Variants in FAM151B observed in about 807,000 individuals in gnomAD.
FAM151B encodes family with sequence similarity 151 member B, also known as protein FAM151B.
FAM151B carries 24 observed loss-of-function variants against 31.2 expected under a neutral mutation model. The ratio of observed to expected loss-of-function variants is 0.77; its 90% confidence interval spans 0.56 to 1.08. FAM151B has a LOEUF of 1.08. Ranked by LOEUF, FAM151B falls within the 50% of genes least tolerant of loss-of-function variation. The pLI, the probability that FAM151B is intolerant of heterozygous loss-of-function variation, is 0.00. For missense variants in FAM151B, 293 were observed against 328.6 expected (o/e 0.89, Z 0.84); for synonymous variants, 105 against 111.4 (o/e 0.94, Z 0.36).
intron 5 of FAM151B, among the ~76,000 whole-genome samples, chr5:80,524,903 T>G (rs542662178): frequency 6.6e-6 from 1 of 152,298 alleles, no homozygotes; most frequent in South Asian, 2.1e-4. Context: ...TCCACAGATC[T>G]TTAGCATTTA....
At chr5:80,500,333 A>T in intron 1 of FAM151B, 1 of 873,178 alleles carries the variant, frequency 1.1e-6, no homozygotes, top group South Asian at 1.3e-5. Flanking sequence ...GGCTGGAACC[A>T]TGGAGGGTGT....
chr5:80,527,572 A>G (rs1745027123), intron 5 of FAM151B, among the ~76,000 whole-genome samples: 1 of 152,214 alleles, frequency 6.6e-6, no homozygotes. Context: ...GTATTATCAT[A>G]CTGAATAATG....
rs1412843450 is a variant in FAM151B, at chr5:80,541,666, A to C, written c.672-7A>C. ...TAACTGTATAATTCTGTTTTATTTCAATGCAGGTACAGCCTGACTATTTGG... is the reference window on the plus strand; with the variant it reads ...TAACTGTATAATTCTGTTTTATTTCCATGCAGGTACAGCCTGACTATTTGG... On this transcript the variant is annotated splice_polypyrimidine_tract_variant and splice_region_variant and intron_variant, in intron 5 of 5. Coordinates refer to ENST00000282226, the MANE Select transcript of FAM151B (RefSeq NM_205548.3). 6.2e-7 allele frequency: 1 copy of C among 1,612,292 alleles called. No individual in the cohort carries two copies. Among genetic ancestry groups the C allele is most frequent in the East Asian group, 2.2e-5 (1 of 44,738 alleles).
chr5:80,522,100 T>G lies in FAM151B; in HGVS notation c.633T>G (p.Ser211=). Residue 211 remains serine (S), a synonymous_variant, in exon 5 of 6, where the codon TCT becomes TCG. Coordinates refer to ENST00000282226, the MANE Select transcript of FAM151B (RefSeq NM_205548.3). ...TCAGAGCAGCATTAGTCAGGCAGTC[T>G]TGTTCTCAGTTACTTTGGCTGTTAA... is the stretch of plus-strand genomic sequence containing the variant. The part of the protein sequence containing the change: ...FPVRAALVRQ[S]CSQLLWLLKK... 1 of 1,613,130 alleles carries G rather than the reference T, an allele frequency of 6.2e-7. No homozygotes were observed.
At chr5:80,528,857 G>T (rs954207924) in intron 5 of FAM151B, among the ~76,000 whole-genome samples, 3 of 152,080 alleles carry the variant, frequency 2.0e-5, no homozygotes, top group African/African-American at 4.8e-5. Context: ...GGATATCCAG[G>T]AATTGAACTC....
intron 1 of FAM151B, among the ~76,000 whole-genome samples, chr5:80,495,538 T>C (rs906890101): frequency 2.0e-5 from 3 of 152,008 alleles, no homozygotes; most frequent in Admixed American, 6.5e-5. Flanking sequence ...GTGATAGAAA[T>C]AGCAAAAGAG....
At position 80,488,127 on chromosome 5, in the gene FAM151B, G is replaced by A. The variant is rs1400729246; in HGVS notation, c.4G>A (p.Ala2Thr). M[A>T]ASAGGPGSWS... ...GCGGACGGCGGGCGTCGTCACCATG[G>A]CAGCATCCGCTGGAGGCCCAGGTAA... is the stretch of plus-strand genomic sequence containing the variant. The change falls in exon 1 of 6, where the codon GCA (alanine) becomes ACA (threonine). Residue 2 changes from alanine to threonine, a missense_variant. Ala to Thr is a moderately conservative substitution (Grantham distance 58). Coordinates refer to ENST00000282226, the MANE Select transcript of FAM151B (RefSeq NM_205548.3). 1 of 1,542,864 alleles carries A rather than the reference G, an allele frequency of 6.5e-7. No homozygotes were observed. Among genetic ancestry groups the A allele is most frequent in the Non-Finnish European group, 8.7e-7 (1 of 1,147,436 alleles).
chr5:80,503,238 A>G (rs1029212126), intron 2 of FAM151B, among the ~76,000 whole-genome samples: 9 of 152,242 alleles, frequency 5.9e-5, no homozygotes, highest in African/African-American at 1.9e-4. Flanking sequence ...AAAAGATTCT[A>G]TAGATAAATG....
Position 80,541,770 on chromosome 5 carries a change from G to C in FAM151B, c.769G>C (p.Asp257His). ...DHFDKKQVFY[D>H]ILEPQNHEFK... is the part of the protein sequence containing the mutation. ...TTTTGACAAAAAACAAGTTTTCTAT[G>C]ACATCTTGGAACCACAAAACCATGA... Residue 257 changes from aspartate to histidine, a missense_variant, in exon 6 of 6, where the codon GAC becomes CAC. Coordinates refer to ENST00000282226, the MANE Select transcript of FAM151B (RefSeq NM_205548.3). The C allele has an allele frequency of 1.2e-6, 2 of 1,613,606 alleles. No individual in the cohort carries two copies. Among genetic ancestry groups the C allele is most frequent in the Non-Finnish European group, 1.7e-6 (2 of 1,179,778 alleles).
intron 1 of FAM151B, among the ~76,000 whole-genome samples, chr5:80,499,721 A>G (rs994271000): frequency 6.6e-6 from 1 of 151,616 alleles, no homozygotes; most frequent in South Asian, 2.1e-4. Flanking sequence ...TACATTATAT[A>G]ATATATAACA....
chr5:80,538,374 TTCTTTC>T (rs1427446883), intron 5 of FAM151B, among the ~76,000 whole-genome samples: 1 of 30,138 alleles, frequency 3.3e-5, no homozygotes, highest in African/African-American at 1.6e-4. Context: ...GCCTTTCTTT[TTCTTTC>T]TTTCTTTCTT....
chr5:80,534,548 A>C (rs1745404693), intron 5 of FAM151B, among the ~76,000 whole-genome samples: 1 of 152,218 alleles, frequency 6.6e-6, no homozygotes, highest in South Asian at 2.1e-4. Flanking sequence ...ATTGGGTAAA[A>C]TTCAACATCC....
At chr5:80,530,575 G>A (rs1745191912) in intron 5 of FAM151B, among the ~76,000 whole-genome samples, 4 of 152,162 alleles carry the variant, frequency 2.6e-5, no homozygotes, top group Non-Finnish European at 2.9e-5. Flanking sequence ...AATCACAAGC[G>A]TTCCTATACA....
chr5:80,522,240 G>A, intron 5 of FAM151B, 102 bp downstream of exon 5: 1 of 1,264,910 alleles, frequency 7.9e-7, no homozygotes, highest in South Asian at 1.7e-5. Flanking sequence ...GTGAGAGAAA[G>A]GTAGACAGAA....
chr5:80,511,996 T>C (rs1181102104), intron 2 of FAM151B, among the ~76,000 whole-genome samples: 1 of 152,250 alleles, frequency 6.6e-6, no homozygotes, highest in African/African-American at 2.4e-5. Flanking sequence ...ATTGGAGGTA[T>C]AGATTGTATA....
intron 1 of FAM151B, among the ~76,000 whole-genome samples, chr5:80,490,007 AT>A (rs576657848): frequency 1.0e-5 from 1 of 97,870 alleles, no homozygotes; most frequent in Non-Finnish European, 2.2e-5. Context: ...GTTATATGTC[AT>A]TTTTCCCCCT....
chr5:80,510,618 C>T (rs1233181527), intron 2 of FAM151B: 3 of 152,052 alleles, frequency 2.0e-5, no homozygotes, highest in Non-Finnish European at 2.9e-5. Context: ...TAATTGAATC[C>T]CCAAACTATA....
chr5:80,494,465 TTTCTTTCTTTCTTTCTTTCTTTCTTTC>T lies in FAM151B; in HGVS notation c.25+6320_25+6346del, dbSNP rs1743443458. ...TCTTTTTCTTTCTTTCTTTTCTTTCTTTCTTTCTTTCTTTCTTTCTTTCTTTCTTTCTTTCTTTCTTTCTTTCTTTCT... is the reference window on the plus strand; with the variant it reads ...TCTTTTTCTTTCTTTCTTTTCTTTCTTTTCTTTCTTTCTTTCTTTCTTTCT... On this transcript the variant is annotated intron_variant, in intron 1 of 5. Coordinates refer to ENST00000282226, the MANE Select transcript of FAM151B (RefSeq NM_205548.3). Among the ~76,000 whole-genome samples the T allele has an allele frequency of 3.4e-4, 26 of 76,742 alleles. 1 individual carries two copies. Among genetic ancestry groups the T allele is most frequent in the Admixed American group, 1.8e-3 (14 of 7,998 alleles). The allele number at this position is 76,742 out of a possible 152,430, so 50.3% of individuals were successfully genotyped here.
chr5:80,522,003 G>T lies in FAM151B; in HGVS notation c.536G>T (p.Gly179Val). ...TGWHPEKVNE[G>V]YSWTMVKEME... ...TTAAATTTTTTTCTTTTCTTTTAAGGGTACAGTTGGACAATGGTGAAAGAG... is the reference window on the plus strand; with the variant it reads ...TTAAATTTTTTTCTTTTCTTTTAAGTGTACAGTTGGACAATGGTGAAAGAG... Residue 179 changes from glycine to valine, a missense_variant and splice_region_variant, in exon 5 of 6, where the codon GGG becomes GTG. By Grantham distance (109) the Gly-to-Val change is moderately radical. Transcript: ENST00000282226. 3.2e-6 allele frequency: 5 copies of T among 1,550,590 alleles called. No individual in the cohort carries two copies. The highest frequency in any genetic ancestry group is 1.3e-5 in the African/African-American group (1 of 74,140).
Sources: gnomAD v4.1 joint callset for allele counts (sites outside exome capture counted in the v4.1 genomes callset) on GRCh38, gnomAD v4.1.1 for gene constraint, MANE v1.5 for transcripts, NCBI Gene and HGNC (gene_info 2026-07-23, HGNC 2026-07-21) for gene names.